The following RARB variants were observed in gnomAD, a reference collection of about 807,000 sequenced individuals.
The protein encoded by RARB is HBV-activated protein.
RARB carries 17 observed loss-of-function variants against 51.9 expected under a neutral mutation model. The observed-to-expected ratio is 0.33, with a 90% CI of 0.22 to 0.49. RARB has a LOEUF of 0.49. RARB is among the 20% of genes least tolerant of loss of function. RARB has a pLI of 0.99. For synonymous variants in RARB, 215 were observed against 195.4 expected (o/e 1.10, Z -0.84); for missense variants, 369 against 550.8 (o/e 0.67, Z 3.30).
At chr3:25,204,724 A>T (rs1701490310) in intron 5 of RARB, among the ~76,000 whole-genome samples, 1 of 152,176 alleles carries the variant, frequency 6.6e-6, no homozygotes, top group Admixed American at 6.5e-5. Flanking sequence ...TCAGCAGCAG[A>T]GGCTGCAGAA....
chr3:24,901,744 G>GAGCCTTT (rs1703611207), intron 2 of RARB, among the ~76,000 whole-genome samples: 1 of 152,098 alleles, frequency 6.6e-6, no homozygotes, highest in African/African-American at 2.4e-5. Context: ...TTAGTTCAGA[G>GAGCCTTT]AGCCTTTGCT....
At chr3:25,136,928 A>T (rs749463162) in intron 4 of RARB, among the ~76,000 whole-genome samples, 12 of 152,022 alleles carry the variant, frequency 7.9e-5, no homozygotes, top group Non-Finnish European at 1.3e-4. Context: ...GGTATCAACA[A>T]CCGCACAGAT....
chr3:25,034,133 A>T (rs1380306565), intron 2 of RARB, among the ~76,000 whole-genome samples: 4 of 152,160 alleles, frequency 2.6e-5, no homozygotes, highest in Non-Finnish European at 5.9e-5. Flanking sequence ...AACATGGTGA[A>T]ACCCCGTCTC....
intron 5 of RARB, among the ~76,000 whole-genome samples, chr3:25,188,266 T>C (rs1228093397): frequency 6.6e-6 from 1 of 152,130 alleles, no homozygotes; most frequent in East Asian, 1.9e-4. Context: ...GAATACTCAT[T>C]GCTCAGAGCT....
At chr3:25,332,383 A>G (rs578179085) in intron 5 of RARB, among the ~76,000 whole-genome samples, 3 of 152,348 alleles carry the variant, frequency 2.0e-5, no homozygotes, top group African/African-American at 2.4e-5. Context: ...ACACAAATCA[A>G]TAAACGTAAT....
At chr3:24,861,187 T>C (rs1702742227) in intron 2 of RARB, among the ~76,000 whole-genome samples, 1 of 152,210 alleles carries the variant, frequency 6.6e-6, no homozygotes, top group African/African-American at 2.4e-5. Flanking sequence ...CTAAATAGTA[T>C]AGTATAACTA....
chr3:25,239,889 C>A (rs1451730398), intron 5 of RARB, among the ~76,000 whole-genome samples: 1 of 152,076 alleles, frequency 6.6e-6, no homozygotes, highest in Non-Finnish European at 1.5e-5. Flanking sequence ...GTAGTATCTT[C>A]ATTTTAATGA....
intron 2 of RARB, among the ~76,000 whole-genome samples, chr3:24,859,389 G>C (rs1475003792): frequency 2.6e-5 from 4 of 152,166 alleles, no homozygotes; most frequent in Non-Finnish European, 2.9e-5. Flanking sequence ...TAAGTTTTTA[G>C]TACAACTCTC....
At chr3:25,042,795 T>C (rs1434858118) in intron 2 of RARB, among the ~76,000 whole-genome samples, 2 of 152,264 alleles carry the variant, frequency 1.3e-5, no homozygotes, top group East Asian at 1.9e-4. Context: ...TTCAATTCTT[T>C]TAAGTTGAAC....
At chr3:25,021,267 C>G (rs1328978330) in intron 2 of RARB, among the ~76,000 whole-genome samples, 1 of 152,180 alleles carries the variant, frequency 6.6e-6, no homozygotes, top group Non-Finnish European at 1.5e-5. Context: ...CATTGAATCT[C>G]CATCCCTAGA....
chr3:25,370,855 G>A (rs1706276912), intron 5 of RARB, among the ~76,000 whole-genome samples: 1 of 152,166 alleles, frequency 6.6e-6, no homozygotes, highest in Non-Finnish European at 1.5e-5. Flanking sequence ...CAGTAGAGTT[G>A]CACTCACTCC....
chr3:24,955,381 A>G (rs1052732249), intron 2 of RARB, among the ~76,000 whole-genome samples: 5 of 152,156 alleles, frequency 3.3e-5, no homozygotes, highest in African/African-American at 1.2e-4. Context: ...GGGGTGGGGC[A>G]GGCCAAAAAA....
At chr3:25,465,865 T>C (rs1441178067) in intron 2 of RARB, among the ~76,000 whole-genome samples, 1 of 152,236 alleles carries the variant, frequency 6.6e-6, no homozygotes, top group East Asian at 1.9e-4. Flanking sequence ...ATAATGTCTT[T>C]GGAAAACAGT....
chr3:25,317,670 A>G (rs1338061399), intron 5 of RARB, among the ~76,000 whole-genome samples: 3 of 152,170 alleles, frequency 2.0e-5, no homozygotes, highest in Non-Finnish European at 4.4e-5. Context: ...TTGCTTTTAG[A>G]TACATATAGG....
chr3:25,176,377 C>A (rs1700752148), intron 5 of RARB, among the ~76,000 whole-genome samples: 1 of 90,304 alleles, frequency 1.1e-5, no homozygotes, highest in Admixed American at 1.2e-4. Flanking sequence ...TTCCTTCCTT[C>A]CTTCCTTCCT....
intron 4 of RARB, among the ~76,000 whole-genome samples, chr3:25,138,331 T>C (rs998592175): frequency 6.7e-6 from 1 of 148,410 alleles, no homozygotes; most frequent in Non-Finnish European, 1.5e-5. Flanking sequence ...AGCACTATAA[T>C]TGAGTTTTTT....
At chr3:25,136,238 C>G (rs548790044) in intron 4 of RARB, among the ~76,000 whole-genome samples, 1 of 152,086 alleles carries the variant, frequency 6.6e-6, no homozygotes, top group Admixed American at 6.6e-5. Context: ...ATTAAAGACT[C>G]TTGAAGATAG....
chr3:25,006,441 A>G (rs1697274305), intron 2 of RARB, among the ~76,000 whole-genome samples: 1 of 152,128 alleles, frequency 6.6e-6, no homozygotes, highest in Non-Finnish European at 1.5e-5. Context: ...AAAGAAAACT[A>G]CCCATCTGTA....
chr3:25,503,726 A>G (rs569995992), intron 3 of RARB, among the ~76,000 whole-genome samples: 1 of 152,354 alleles, frequency 6.6e-6, no homozygotes, highest in African/African-American at 2.4e-5. Flanking sequence ...CTAATTGGAT[A>G]TTTTTAAAGT....
Sources: gnomAD v4.1 joint callset for allele counts (sites outside exome capture counted in the v4.1 genomes callset) on GRCh38, gnomAD v4.1.1 for gene constraint, MANE v1.5 for transcripts, NCBI Gene and HGNC (gene_info 2026-07-23, HGNC 2026-07-21) for gene names.